IRAK1BP1: variants seen among roughly 807,000 people sequenced by gnomAD.
IRAK1BP1 encodes interleukin-1 receptor-associated kinase 1-binding protein 1.
In IRAK1BP1, 24 loss-of-function variants were observed where a neutral mutation model predicts 28.0. The observed-to-expected ratio is 0.86, with a 90% CI of 0.62 to 1.20. The LOEUF (loss-of-function observed/expected upper bound fraction) is 1.20. IRAK1BP1 is among the 50% of genes most tolerant of loss of function. The pLI is 0.00. For missense variants in IRAK1BP1, 336 were observed against 316.7 expected (o/e 1.06, Z -0.46); for synonymous variants, 131 against 116.3 (o/e 1.13, Z -0.81).
At chr6:78,941,840 T>G (rs1773518256) in intron 4 of IRAK1BP1, among the ~76,000 whole-genome samples, 2 of 152,160 alleles carry the variant, frequency 1.3e-5, no homozygotes, top group African/African-American at 4.8e-5. Flanking sequence ...ATTATCATGA[T>G]TAAGATCCCA....
At chr6:78,878,269 G>A (rs1468174662) in intron 1 of IRAK1BP1, among the ~76,000 whole-genome samples, 3 of 152,256 alleles carry the variant, frequency 2.0e-5, no homozygotes, top group Admixed American at 1.3e-4. Context: ...CACCTCATAC[G>A]TCTCAGAGGG....
intron 4 of IRAK1BP1, among the ~76,000 whole-genome samples, chr6:78,933,284 C>A (rs1470090296): frequency 6.6e-6 from 1 of 152,198 alleles, no homozygotes; most frequent in African/African-American, 2.4e-5. Context: ...TTCATCAGCA[C>A]CCCCTTGCAC....
At chr6:78,893,949 G>A (rs1771789164) in intron 2 of IRAK1BP1, among the ~76,000 whole-genome samples, 1 of 151,880 alleles carries the variant, frequency 6.6e-6, no homozygotes, top group Non-Finnish European at 1.5e-5. Flanking sequence ...TGAACTACAG[G>A]GATTATAACA....
chr6:78,882,995 G>A (rs999408691), intron 1 of IRAK1BP1, among the ~76,000 whole-genome samples: 1 of 152,110 alleles, frequency 6.6e-6, no homozygotes, highest in African/African-American at 2.4e-5. Context: ...GATGTCTCAT[G>A]CCTGTAATCC....
the IRAK1BP1 span, among the ~76,000 whole-genome samples, chr6:78,973,618 G>A: frequency 8.0e-6 from 1 of 125,758 alleles, no homozygotes; most frequent in African/African-American, 3.1e-5. Flanking sequence ...TCAGTGTGCT[G>A]TATTCAGGAA....
Position 78,894,164 on chromosome 6 carries a change from A to G in IRAK1BP1, c.382-3665A>G, listed in dbSNP as rs1272521623. 2.0e-5 allele frequency among the ~76,000 whole-genome samples: 3 copies of G among 152,208 alleles called. No homozygotes were observed. In the East Asian group the frequency reaches 5.8e-4, roughly 29 times the overall value. Reference sequence around the variant, plus strand: ...CTAATAAGTCAATGAAAGCTATGAAATAATATAATAAAAATATCAAAAAGA... The same window carrying G: ...CTAATAAGTCAATGAAAGCTATGAAGTAATATAATAAAAATATCAAAAAGA... On this transcript the variant is annotated intron_variant, in intron 2 of 3. Coordinates refer to ENST00000369940, the MANE Select transcript of IRAK1BP1 (RefSeq NM_001010844.4).
the IRAK1BP1 span, among the ~76,000 whole-genome samples, chr6:78,968,132 C>A: frequency 6.6e-6 from 1 of 152,012 alleles, no homozygotes; most frequent in Non-Finnish European, 1.5e-5. Flanking sequence ...GAGACTCCAT[C>A]TCAAAAATAA....
chr6:78,956,278 TTCC>T, the IRAK1BP1 span: 1 of 152,246 alleles, frequency 6.6e-6, no homozygotes, highest in East Asian at 1.9e-4. Flanking sequence ...TTCTTTCCCT[TTCC>T]TCCTCCTTAT....
intron 4 of IRAK1BP1, among the ~76,000 whole-genome samples, chr6:78,925,152 C>A (rs1772851371): frequency 6.6e-6 from 1 of 151,720 alleles, no homozygotes; most frequent in African/African-American, 2.4e-5. Flanking sequence ...GGGAACATCA[C>A]ACACCGGGGC....
At chr6:78,965,910 C>T in the IRAK1BP1 span, 129 of 1,475,150 alleles carry the variant, frequency 8.7e-5, no homozygotes, top group East Asian at 2.8e-3. Flanking sequence ...CAAAGCAAGC[C>T]TAGGTGAACT....
At position 78,937,495 on chromosome 6, in the gene IRAK1BP1, CT is replaced by C. The variant is rs1773320038; in HGVS notation, c.*68-7911del. 2.6e-5 allele frequency: 4 copies of C among 151,792 alleles called. No individual in the cohort carries two copies. In the South Asian group the frequency reaches 8.3e-4, roughly 31 times the overall value. The allele number at this position is 151,792 out of a possible 1,614,324, so 9.4% of individuals were successfully genotyped here. A position where few individuals can be genotyped will look rare whatever the true frequency, so the allele number is the denominator to read the frequency against. ...AAGATATTTTCTCTGATTACTGTAT[CT>C]TATGTAATTCATTTCCAAGTGATAA... On this transcript the variant is annotated intron_variant and NMD_transcript_variant, in intron 4 of 4. Coordinates refer to the IRAK1BP1 transcript ENST00000606868.
chr6:78,922,299 C>T (rs1343783056), intron 4 of IRAK1BP1, among the ~76,000 whole-genome samples: 6 of 151,852 alleles, frequency 4.0e-5, no homozygotes, highest in Non-Finnish European at 7.4e-5. Flanking sequence ...GTAGCTGATT[C>T]GATGAACTGG....
At chr6:78,968,827 T>C in the IRAK1BP1 span, among the ~76,000 whole-genome samples, 1 of 152,202 alleles carries the variant, frequency 6.6e-6, no homozygotes, top group Non-Finnish European at 1.5e-5. Flanking sequence ...GTAAAAAACA[T>C]TCTTCAATGT....
chr6:78,970,107 T>C, the IRAK1BP1 span: 1 of 1,613,330 alleles, frequency 6.2e-7, no homozygotes, highest in Non-Finnish European at 8.5e-7. Context: ...AAAGCAAGTT[T>C]AAGGCAGCAA....
At chr6:78,957,042 T>C in the IRAK1BP1 span, 1 of 152,040 alleles carries the variant, frequency 6.6e-6, no homozygotes, top group Non-Finnish European at 1.5e-5. Context: ...AAAAAAGTAT[T>C]TTTAAACAAA....
chr6:78,877,245 G>T (rs1278618573), intron 1 of IRAK1BP1, among the ~76,000 whole-genome samples: 2 of 152,108 alleles, frequency 1.3e-5, no homozygotes, highest in African/African-American at 2.4e-5. Context: ...GTGGTTGCAG[G>T]TCTGTTAGTT....
intron 1 of IRAK1BP1, among the ~76,000 whole-genome samples, chr6:78,883,460 TA>T (rs1771303178): frequency 6.6e-6 from 1 of 152,138 alleles, no homozygotes; most frequent in Admixed American, 6.6e-5. Flanking sequence ...ATTTTTATTT[TA>T]AAAACACTAT....
At chr6:78,895,006 G>T (rs1036914793) in intron 2 of IRAK1BP1, among the ~76,000 whole-genome samples, 1 of 151,820 alleles carries the variant, frequency 6.6e-6, no homozygotes, top group South Asian at 2.1e-4. Context: ...TACTCAGCAG[G>T]CTAAGACAGG....
rs548645743 is a variant in IRAK1BP1, at chr6:78,893,460, A to G, written c.382-4369A>G. On this transcript the variant is annotated intron_variant, in intron 2 of 3. Transcript: ENST00000369940. ...AATTCATTACCTGTAGACCTACACT[A>G]TGAGAAATTTAAATGACATCATTTA... is the stretch of plus-strand genomic sequence containing the variant. Among the ~76,000 whole-genome samples, 314 of 151,742 alleles carry G rather than the reference A, an allele frequency of 2.1e-3. 1 individual carries two copies. The highest frequency in any genetic ancestry group is 6.9e-3 in the African/African-American group (284 of 41,448).
Sources: gnomAD v4.1 joint callset for allele counts (sites outside exome capture counted in the v4.1 genomes callset) on GRCh38, gnomAD v4.1.1 for gene constraint, MANE v1.5 for transcripts, NCBI Gene and HGNC (gene_info 2026-07-23, HGNC 2026-07-21) for gene names.